The following DCAF17 variants were observed in gnomAD, a reference collection of about 807,000 sequenced individuals.
DCAF17 encodes DDB1 and CUL4 associated factor 17.
In DCAF17, 48 loss-of-function variants were observed where a neutral mutation model predicts 66.0. The ratio of observed to expected loss-of-function variants is 0.73; its 90% CI spans 0.58 to 0.92. The LOEUF is 0.92. DCAF17 is among the 40% of genes least tolerant of loss of function. The pLI is 0.00. For synonymous variants in DCAF17, 206 were observed against 214.6 expected, an observed-to-expected ratio of 0.96 and a Z score of 0.35; for missense variants, 562 against 622.8, an observed-to-expected ratio of 0.90 and a Z score of 1.04.
intron 11 of DCAF17, among the ~76,000 whole-genome samples, chr2:171,477,656 G>T (rs1259048150): frequency 6.6e-6 from 1 of 152,148 alleles, no homozygotes; most frequent in African/African-American, 2.4e-5. Context: ...GCCAGGCATG[G>T]TGGTGTATGC....
At chr2:171,478,344 AT>A (rs947163611) in intron 12 of DCAF17, among the ~76,000 whole-genome samples, 1 of 152,124 alleles carries the variant, frequency 6.6e-6, no homozygotes, top group African/African-American at 2.4e-5. Context: ...TTTATTTTGT[AT>A]TGTTTTGTTT....
In DCAF17 at chr2:171,476,945, C is replaced by G. The variant is rs1696526592; in HGVS notation, c.1177C>G (p.His393Asp). 1 of 1,609,806 alleles carries G rather than the reference C, an allele frequency of 6.2e-7. No homozygotes were observed. Among genetic ancestry groups the G allele is most frequent in the Non-Finnish European group, 8.5e-7 (1 of 1,176,336 alleles). Residue 393 changes from histidine (H) to aspartate (D), a missense_variant, in exon 11 of 14, where the codon CAT becomes GAT. By Grantham distance (81) the His-to-Asp change is moderately conservative. This residue lies in a region of DCAF17 where 201 missense variants were observed against 231.1 expected (regional missense o/e 0.87). Transcript: ENST00000375255. ...DFVILANREN[H>D]KNENVLTVTA... ...TGTCATTTTGGCCAACAGGGAGAACCATAAAGTAAGTCAAGAGTACTTTAA... is the reference window on the plus strand; with the variant it reads ...TGTCATTTTGGCCAACAGGGAGAACGATAAAGTAAGTCAAGAGTACTTTAA...
At chr2:171,471,092 C>CACAT (rs1284727713) in intron 9 of DCAF17, among the ~76,000 whole-genome samples, 1 of 152,192 alleles carries the variant, frequency 6.6e-6, no homozygotes, top group African/African-American at 2.4e-5. Flanking sequence ...GCATGCTTGT[C>CACAT]ACATACTCTC....
intron 8 of DCAF17, among the ~76,000 whole-genome samples, chr2:171,460,528 A>ATTG: frequency 6.9e-6 from 1 of 144,262 alleles, no homozygotes; most frequent in South Asian, 2.3e-4. Flanking sequence ...TATTATTATT[A>ATTG]TTATTATTAT....
Position 171,482,356 on chromosome 2 carries a change from CT to C in DCAF17, c.*1245del, listed in dbSNP as rs1696778465. On this transcript the variant is annotated 3_prime_UTR_variant, in exon 14 of 14. Coordinates refer to ENST00000375255, the MANE Select transcript of DCAF17 (RefSeq NM_025000.4). Reference sequence around the variant, plus strand: ...TAGCTTGGATGATTTATATTAAAATCTTTCCATTTTTTTTTTCAGTTTTGGC... The same window carrying C: ...TAGCTTGGATGATTTATATTAAAATCTTCCATTTTTTTTTTCAGTTTTGGC... The C allele has an allele frequency of 2.2e-6, 1 of 453,254 alleles. No homozygotes were observed. The highest frequency in any genetic ancestry group is 4.4e-6 in the Non-Finnish European group (1 of 226,586). The allele number at this position is 453,254 out of a possible 1,614,324, so 28.1% of individuals were successfully genotyped here. A position where few individuals can be genotyped will look rare whatever the true frequency, so the allele number is the denominator to read the frequency against.
At chr2:171,441,371 T>G (rs1194589356) in intron 2 of DCAF17, among the ~76,000 whole-genome samples, 2 of 152,136 alleles carry the variant, frequency 1.3e-5, no homozygotes, top group East Asian at 3.8e-4. Context: ...CCTCAGATCT[T>G]CCCACCTTGT....
At chr2:171,475,335 G>A (rs1696446982) in intron 10 of DCAF17, among the ~76,000 whole-genome samples, 2 of 152,170 alleles carry the variant, frequency 1.3e-5, no homozygotes, top group East Asian at 3.9e-4. Context: ...AATTATTTTT[G>A]TGATCTTCTG....
chr2:171,446,438 C>T (rs954097507), intron 3 of DCAF17, among the ~76,000 whole-genome samples: 6 of 151,798 alleles, frequency 4.0e-5, no homozygotes, highest in Admixed American at 6.6e-5. Context: ...CCCAGATACT[C>T]GGGAGGCTGA....
intron 1 of DCAF17, 61 bp from the exon 2 acceptor site, chr2:171,435,022 T>C: frequency 7.4e-7 from 1 of 1,350,618 alleles, no homozygotes; most frequent in Non-Finnish European, 1.1e-6. Context: ...CTTTGAAAAT[T>C]TAAAATCTAA....
intron 3 of DCAF17, among the ~76,000 whole-genome samples, chr2:171,445,108 A>G (rs1694538267): frequency 1.3e-5 from 2 of 151,796 alleles, no homozygotes; most frequent in African/African-American, 2.4e-5. Flanking sequence ...CCAAAAATTT[A>G]GTAACCTAAT....
At position 171,434,595 on chromosome 2, in the gene DCAF17, G is replaced by C. The variant is rs759528673; in HGVS notation, c.18G>C (p.Lys6Asn). Reference sequence around the variant, plus strand: ...GCGCCTCCATGGGCCCGACCCGGAAGCCCAACGTGTGCAGCCGGCTGAGTC... The same window carrying C: ...GCGCCTCCATGGGCCCGACCCGGAACCCCAACGTGTGCAGCCGGCTGAGTC... The part of the protein sequence containing the change: MGPTR[K>N]PNVCSRLSRR... The change falls in exon 1 of 14, where the codon AAG (lysine) becomes AAC (asparagine). Residue 6 changes from lysine (K) to asparagine (N), a missense_variant. Transcript: ENST00000375255. 2.6e-5 allele frequency: 40 copies of C among 1,527,716 alleles called. No individual in the cohort carries two copies. The highest frequency in any genetic ancestry group is 7.2e-5 in the South Asian group (6 of 83,528). 94.6% of individuals were successfully genotyped at this position (1,527,716 alleles called of 1,614,324 possible).
chr2:171,445,284 C>A (rs1018581455), intron 3 of DCAF17, among the ~76,000 whole-genome samples: 1 of 152,062 alleles, frequency 6.6e-6, no homozygotes, highest in African/African-American at 2.4e-5. Flanking sequence ...AGCACCATGC[C>A]CCACTAATTT....
Position 171,478,039 on chromosome 2 carries a change from T to C in DCAF17, c.1235T>C (p.Phe412Ser). 6.2e-7 allele frequency: 1 copy of C among 1,614,034 alleles called. No homozygotes were observed. Among genetic ancestry groups the C allele is most frequent in the Non-Finnish European group, 8.5e-7 (1 of 1,179,952 alleles). Residue 412 changes from phenylalanine to serine, a missense_variant, in exon 12 of 14, where the codon TTT becomes TCT. By Grantham distance (155) the Phe-to-Ser change is radical. Coordinates refer to ENST00000375255, the MANE Select transcript of DCAF17 (RefSeq NM_025000.4). ...TASGRVVKKSFNLLDDDPEQE... is the reference protein window; with the variant it reads ...TASGRVVKKSSNLLDDDPEQE... Reference sequence around the variant, plus strand: ...TCTGGACGGGTGGTAAAAAAAAGTTTTAACCTTCTGGATGATGACCCAGAA... The same window carrying C: ...TCTGGACGGGTGGTAAAAAAAAGTTCTAACCTTCTGGATGATGACCCAGAA...
rs969373462 is a variant in DCAF17 at position 171,480,979 on chromosome 2, T to C, written c.1428T>C (p.Tyr476=). The C allele has an allele frequency of 1.1e-5, 17 of 1,613,604 alleles. No individual in the cohort carries two copies. Among genetic ancestry groups the C allele is most frequent in the Admixed American group, 1.7e-5 (1 of 59,972 alleles). ...IPLVESWDVT[Y]SHEVYFDRDL... ...ATGATTGTGTTTTGTTACAGACATA[T>C]AGCCATGAAGTCTACTTTGACAGAG... The change falls in exon 14 of 14, where the codon TAT becomes TAC. Residue 476 remains tyrosine, a synonymous_variant. Coordinates refer to ENST00000375255, the MANE Select transcript of DCAF17 (RefSeq NM_025000.4).
Position 171,482,639 on chromosome 2 carries a change from G to T in DCAF17, c.*1525G>T, listed in dbSNP as rs1158817901. On this transcript the variant is annotated 3_prime_UTR_variant, in exon 14 of 14. Transcript: ENST00000375255. ...CATTTCCAAGAGTGTTTCAGAATAG[G>T]ATGTCTTAAGACTTCAGTCATGTCA... 2 of 453,880 alleles carry T rather than the reference G, an allele frequency of 4.4e-6. No homozygotes were observed. The highest frequency in any genetic ancestry group is 4.7e-5 in the Admixed American group (2 of 42,542). 28.1% of individuals were successfully genotyped at this position (453,880 alleles called of 1,614,324 possible).
chr2:171,443,303 G>A lies in DCAF17; in HGVS notation c.231-220G>A. The A allele has an allele frequency of 7.0e-6, 3 of 429,126 alleles. No homozygotes were observed. In the South Asian group the frequency reaches 9.0e-5, roughly 13 times the overall value. The allele number at this position is 429,126 out of a possible 1,614,324, so 26.6% of individuals were successfully genotyped here. On this transcript the variant is annotated intron_variant, in intron 2 of 13. Transcript: ENST00000375255. Reference sequence around the variant, plus strand: ...GAAATGAACCAAAATGTTAATAAGGGTTATTTTTGGCAGTTTTATGGTATT... The same window carrying A: ...GAAATGAACCAAAATGTTAATAAGGATTATTTTTGGCAGTTTTATGGTATT...
At chr2:171,445,818 G>T (rs1040164424) in intron 3 of DCAF17, among the ~76,000 whole-genome samples, 10 of 152,066 alleles carry the variant, frequency 6.6e-5, no homozygotes, top group African/African-American at 2.4e-4. Flanking sequence ...AAGTAGCTGG[G>T]ACTACAGGTG....
intron 2 of DCAF17, among the ~76,000 whole-genome samples, chr2:171,440,840 C>T (rs895124817): frequency 1.3e-5 from 2 of 152,104 alleles, no homozygotes; most frequent in South Asian, 4.2e-4. Flanking sequence ...AGCAGTTTGC[C>T]CTGTGACCTG....
chr2:171,477,998 A>T lies in DCAF17; in HGVS notation c.1194A>T (p.Val398=). Residue 398 remains valine (V), a synonymous_variant, in exon 12 of 14, where the codon GTA becomes GTT. Transcript: ENST00000375255. The stretch of plus-strand genomic sequence containing the variant: ...TTTCCATATGATAGAATGAAAATGT[A>T]CTCACTGTTACAGCTTCTGGACGGG... ...ANRENHKNEN[V]LTVTASGRVV... is the part of the protein sequence containing the mutation. 2 of 1,613,272 alleles carry T rather than the reference A, an allele frequency of 1.2e-6. No individual in the cohort carries two copies. Among genetic ancestry groups the T allele is most frequent in the South Asian group, 2.2e-5 (2 of 91,072 alleles).
Sources: allele counts gnomAD v4.1 joint callset (sites outside exome capture counted in the v4.1 genomes callset), GRCh38; gene constraint gnomAD v4.1.1; regional missense constraint gnomAD v4.1.1; transcripts MANE v1.5; gene names NCBI Gene and HGNC (gene_info 2026-07-23, HGNC 2026-07-21).